ACBD3: variants seen among roughly 807,000 people sequenced by gnomAD.
ACBD3 encodes the protein acyl-CoA binding domain containing 3, also known as Golgi resident protein GCP60.
In ACBD3, 30 loss-of-function variants were observed where a neutral mutation model predicts 66.9. The observed-to-expected ratio is 0.45, with a 90% confidence interval of 0.34 to 0.61. The LOEUF (loss-of-function observed/expected upper bound fraction) is 0.61, where lower values mean the gene tolerates loss of function less well. Ranked by LOEUF, ACBD3 falls within the 20% of genes least tolerant of loss-of-function variation. The pLI is 0.02. For synonymous variants in ACBD3, 278 were observed against 259.8 expected (o/e 1.07, Z -0.68); for missense variants, 544 against 664.5 (o/e 0.82, Z 1.99).
intron 6 of ACBD3, among the ~76,000 whole-genome samples, chr1:226,153,405 G>T (rs766695093): frequency 6.6e-6 from 1 of 152,150 alleles, no homozygotes; most frequent in Non-Finnish European, 1.5e-5. Flanking sequence ...CACCATCCCT[G>T]ACCACTGTCA....
chr1:226,162,798 ATT>A (rs1247600853), intron 3 of ACBD3, among the ~76,000 whole-genome samples: 41 of 139,634 alleles, frequency 2.9e-4, no homozygotes, highest in Admixed American at 2.9e-4. Flanking sequence ...AACATGACCT[ATT>A]TTTTTTTTTT....
At chr1:226,177,979 C>T (rs1656084309) in intron 1 of ACBD3, among the ~76,000 whole-genome samples, 1 of 151,918 alleles carries the variant, frequency 6.6e-6, no homozygotes, top group East Asian at 1.9e-4. Context: ...AACTCCTGAG[C>T]TCAGTGATCC....
At chr1:226,170,786 T>C (rs1261438225) in intron 1 of ACBD3, among the ~76,000 whole-genome samples, 4 of 152,074 alleles carry the variant, frequency 2.6e-5, no homozygotes, top group South Asian at 2.1e-4. Context: ...GATGATACGT[T>C]TGCTTCTTTT....
chr1:226,147,572 G>C (rs1248249212), intron 7 of ACBD3, among the ~76,000 whole-genome samples: 1 of 152,198 alleles, frequency 6.6e-6, no homozygotes, highest in Non-Finnish European at 1.5e-5. Flanking sequence ...AAAGATGGAA[G>C]ATGATTTGTG....
At chr1:226,151,938 C>T in intron 7 of ACBD3, among the ~76,000 whole-genome samples, 1 of 152,022 alleles carries the variant, frequency 6.6e-6, no homozygotes. Flanking sequence ...ACCTAAGAGG[C>T]CGAGACTACT....
chr1:226,185,935 G>A (rs1656291813), intron 1 of ACBD3, among the ~76,000 whole-genome samples: 1 of 152,126 alleles, frequency 6.6e-6, no homozygotes, highest in African/African-American at 2.4e-5. Flanking sequence ...AGCTATGTAT[G>A]GAACCTCTTG....
At chr1:226,163,614 G>C (rs910822326) in intron 3 of ACBD3, among the ~76,000 whole-genome samples, 1 of 152,074 alleles carries the variant, frequency 6.6e-6, no homozygotes, top group Non-Finnish European at 1.5e-5. Context: ...TAACTCAGGG[G>C]TTACAGCTGT....
intron 6 of ACBD3, among the ~76,000 whole-genome samples, chr1:226,154,026 C>T (rs1440211149): frequency 6.6e-6 from 1 of 152,172 alleles, no homozygotes; most frequent in African/African-American, 2.4e-5. Flanking sequence ...AAAAGCCAGC[C>T]ATGTGAGGGA....
chr1:226,156,475 G>C (rs748381279), intron 5 of ACBD3, among the ~76,000 whole-genome samples: 9 of 151,994 alleles, frequency 5.9e-5, no homozygotes, highest in Non-Finnish European at 1.3e-4. Context: ...TCACAAATAA[G>C]CAAGTACGTA....
At chr1:226,156,560 T>C (rs1300343139) in intron 5 of ACBD3, among the ~76,000 whole-genome samples, 4 of 152,128 alleles carry the variant, frequency 2.6e-5, no homozygotes, top group African/African-American at 9.7e-5. Context: ...TATGATCCCA[T>C]GGGGTAGGGA....
At chr1:226,179,869 C>A (rs1035245702) in intron 1 of ACBD3, among the ~76,000 whole-genome samples, 16 of 150,796 alleles carry the variant, frequency 1.1e-4, no homozygotes, top group African/African-American at 3.7e-4. Flanking sequence ...CAAAAAAAAC[C>A]AAATATTAAA....
At chr1:226,162,389 GT>G (rs1490045689) in intron 3 of ACBD3, among the ~76,000 whole-genome samples, 1 of 151,988 alleles carries the variant, frequency 6.6e-6, no homozygotes, top group Non-Finnish European at 1.5e-5. Flanking sequence ...ATTTTTTTCA[GT>G]TTGTGTTTCA....
chr1:226,152,638 A>C lies in ACBD3; in HGVS notation c.1091-19T>G. 6.2e-7 allele frequency: 1 copy of C among 1,602,026 alleles called. No homozygotes were observed. Among genetic ancestry groups the C allele is most frequent in the South Asian group, 1.1e-5 (1 of 89,274 alleles). On this transcript the variant is annotated intron_variant, in intron 6 of 7. Coordinates refer to ENST00000366812, the MANE Select transcript of ACBD3 (RefSeq NM_022735.4). The stretch of plus-strand genomic sequence containing the variant: ...AGAGATTCTAAAGGCAATAGGTATT[A>C]AAAAGCTAAAGAAAAAGAGCCTTCA...
In ACBD3 at chr1:226,146,499, A is replaced by G. The variant is rs1280353740; in HGVS notation, c.*111T>C. 1.7e-5 allele frequency: 15 copies of G among 884,570 alleles called. No homozygotes were observed. Among genetic ancestry groups the G allele is most frequent in the Admixed American group, 1.5e-4 (6 of 39,492 alleles). The allele number at this position is 884,570 out of a possible 1,614,324, so 54.8% of individuals were successfully genotyped here. A position where few individuals can be genotyped will look rare whatever the true frequency, so the allele number is the denominator to read the frequency against. ...CAAGAGTTCACAAACCATCAGACCA[A>G]TATCAATAAGGTAAACTGTGACTCT... On this transcript the variant is annotated 3_prime_UTR_variant, in exon 8 of 8. Coordinates refer to ENST00000366812, the MANE Select transcript of ACBD3 (RefSeq NM_022735.4).
intron 3 of ACBD3, 31 bp from the exon 4 acceptor site, chr1:226,161,720 T>C: frequency 6.5e-7 from 1 of 1,533,342 alleles, no homozygotes; most frequent in Non-Finnish European, 8.7e-7. Context: ...ATGAACCCTA[T>C]ACGTTGAATC....
At chr1:226,174,166 A>G (rs1233606699) in intron 1 of ACBD3, among the ~76,000 whole-genome samples, 1 of 152,204 alleles carries the variant, frequency 6.6e-6, no homozygotes. Context: ...AAAGCCTTGT[A>G]GAAACTCAAA....
intron 4 of ACBD3, among the ~76,000 whole-genome samples, chr1:226,161,273 G>A (rs1302918124): frequency 1.3e-5 from 2 of 151,802 alleles, no homozygotes; most frequent in African/African-American, 4.8e-5. Context: ...TGAGTAGGTG[G>A]GATTACAGGC....
intron 1 of ACBD3, among the ~76,000 whole-genome samples, chr1:226,180,659 T>C (rs1253704936): frequency 1.3e-5 from 2 of 152,150 alleles, no homozygotes; most frequent in Admixed American, 6.6e-5. Context: ...GCACTGCATG[T>C]GTGATAAAGG....
At chr1:226,163,891 C>T (rs1286956076) in intron 3 of ACBD3, among the ~76,000 whole-genome samples, 2 of 151,990 alleles carry the variant, frequency 1.3e-5, no homozygotes, top group African/African-American at 4.8e-5. Flanking sequence ...GAGGACCAGG[C>T]GGGTGGATCA....
Sources: allele counts gnomAD v4.1 joint callset (sites outside exome capture counted in the v4.1 genomes callset), GRCh38; gene constraint gnomAD v4.1.1; transcripts MANE v1.5; gene names NCBI Gene and HGNC (gene_info 2026-07-23, HGNC 2026-07-21).